Variants in TET1 observed in about 807,000 individuals in gnomAD.
TET1 encodes methylcytosine dioxygenase TET1.
In TET1, 13 loss-of-function variants were observed where a neutral mutation model predicts 148.7. That is an observed-to-expected ratio of 0.09 (90% CI 0.06 to 0.14). TET1 has a LOEUF of 0.14. TET1 is among the 10% of genes least tolerant of loss of function. The probability of loss-of-function intolerance (pLI) is 1.00; values close to 1 mark genes in which losing one functional copy is unlikely to be tolerated. For synonymous variants in TET1, 907 were observed against 937.2 expected (o/e 0.97, Z 0.59); for missense variants, 2,182 against 2,553.8 (o/e 0.85, Z 3.14).
At chr10:68,613,886 C>T (rs1394793968) in intron 3 of TET1, among the ~76,000 whole-genome samples, 1 of 150,390 alleles carries the variant, frequency 6.6e-6, no homozygotes, top group African/African-American at 2.5e-5. Context: ...TGCAGTGAGC[C>T]GAGATCGTGC....
At position 68,682,123 on chromosome 10, in the gene TET1, A is replaced by G. The variant is rs537176841; in HGVS notation, c.4914+635A>G. On this transcript the variant is annotated intron_variant, in intron 9 of 11. Coordinates refer to ENST00000373644, the MANE Select transcript of TET1 (RefSeq NM_030625.3). The stretch of plus-strand genomic sequence containing the variant: ...TTTTTTTTTTTTTTTTTTTTGAGAC[A>G]GAGTCTTGCTCTTGTTGCCCAGGCT... 6.3e-5 allele frequency among the ~76,000 whole-genome samples: 5 copies of G among 79,732 alleles called. No individual in the cohort carries two copies. In the South Asian group the frequency reaches 1.8e-3, roughly 29 times the overall value. The allele number at this position is 79,732 out of a possible 152,430, so 52.3% of individuals were successfully genotyped here.
At chr10:68,653,547 T>G (rs1188381592) in intron 6 of TET1, among the ~76,000 whole-genome samples, 2 of 152,160 alleles carry the variant, frequency 1.3e-5, no homozygotes, top group African/African-American at 2.4e-5. Flanking sequence ...TTTGGAGAAT[T>G]TACATATATT....
chr10:68,622,220 TCCCTCCTTCCTC>T (rs752090083), intron 3 of TET1, among the ~76,000 whole-genome samples: 11,331 of 78,506 alleles, frequency 0.14, 594 homozygotes, highest in Non-Finnish European at 0.17. Flanking sequence ...CTTCCTTCCT[TCCCTCCTTCCTC>T]CCTTCCCTCC....
chr10:68,565,414 A>C (rs1237380957), intron 1 of TET1, among the ~76,000 whole-genome samples: 2 of 150,432 alleles, frequency 1.3e-5, no homozygotes, highest in Non-Finnish European at 3.0e-5. Context: ...CCAGGAGGTC[A>C]AGGCTACAGT....
chr10:68,608,482 G>A (rs1049788909), intron 3 of TET1, among the ~76,000 whole-genome samples: 4 of 149,356 alleles, frequency 2.7e-5, no homozygotes, highest in African/African-American at 4.9e-5. Flanking sequence ...TGATCTACCC[G>A]CCTTGGCCTC....
intron 6 of TET1, among the ~76,000 whole-genome samples, chr10:68,656,199 G>A (rs192319602): frequency 4.5e-4 from 68 of 152,248 alleles, no homozygotes; most frequent in African/African-American, 1.6e-3. Flanking sequence ...TAGAAATAAA[G>A]TGCACAATAA....
intron 3 of TET1, among the ~76,000 whole-genome samples, chr10:68,612,537 A>G (rs1436136625): frequency 5.3e-5 from 8 of 152,168 alleles, no homozygotes; most frequent in Non-Finnish European, 7.4e-5. Context: ...GAAAACTGAA[A>G]AATAAAATAA....
intron 3 of TET1, among the ~76,000 whole-genome samples, chr10:68,609,310 T>G (rs777743517): frequency 6.6e-6 from 1 of 152,108 alleles, no homozygotes; most frequent in Non-Finnish European, 1.5e-5. Flanking sequence ...TACAGGCATG[T>G]GCCACCACGC....
In TET1 at chr10:68,674,411, C is replaced by T. The variant is rs191288562; in HGVS notation, c.4824+1366C>T. The T allele has an allele frequency of 3.2e-3, 979 of 304,110 alleles. 27 individuals carry two copies. In the Admixed American group the frequency reaches 0.036, roughly 11 times the overall value. 18.8% of individuals were successfully genotyped at this position (304,110 alleles called of 1,614,324 possible). On this transcript the variant is annotated intron_variant, in intron 8 of 11. Coordinates refer to ENST00000373644, the MANE Select transcript of TET1 (RefSeq NM_030625.3). ...CATTTTCTAAGAAAGATTTGTATTA[C>T]GTGAAAGCATCTGCCATGTTCAATA...
At chr10:68,676,256 ATATATATATATATTTTTTTT>A (rs1269274107) in intron 8 of TET1, among the ~76,000 whole-genome samples, 158 of 40,246 alleles carry the variant, frequency 3.9e-3, no homozygotes, top group Middle Eastern at 0.038. Flanking sequence ...ATATATATAT[ATATATATATATATTTTTTTT>A]TTTTTTTTTT....
intron 8 of TET1, chr10:68,674,324 G>A (rs138163326): frequency 3.5e-3 from 676 of 194,226 alleles, no homozygotes; most frequent in Non-Finnish European, 5.1e-3. Flanking sequence ...TCTCTGAGCA[G>A]CACTGTAGTG....
chr10:68,633,626 A>G (rs755815082), intron 3 of TET1, among the ~76,000 whole-genome samples: 2 of 152,014 alleles, frequency 1.3e-5, no homozygotes, highest in Non-Finnish European at 2.9e-5. Flanking sequence ...ATAGGGTTTC[A>G]CCATATTGAA....
chr10:68,677,475 C>A (rs1260003917), intron 8 of TET1, among the ~76,000 whole-genome samples: 1 of 152,118 alleles, frequency 6.6e-6, no homozygotes, highest in African/African-American at 2.4e-5. Flanking sequence ...GATTAAATGT[C>A]CAATATTGTC....
At chr10:68,650,869 A>G (rs930745143) in intron 4 of TET1, among the ~76,000 whole-genome samples, 4 of 152,308 alleles carry the variant, frequency 2.6e-5, no homozygotes, top group East Asian at 1.9e-4. Flanking sequence ...GTGCAGAAAT[A>G]CGACGCAAAC....
intron 1 of TET1, among the ~76,000 whole-genome samples, chr10:68,569,579 T>G (rs1327667502): frequency 2.6e-5 from 4 of 152,130 alleles, no homozygotes; most frequent in Non-Finnish European, 5.9e-5. Context: ...AAAGAGATAA[T>G]TTTTAAAGTA....
chr10:68,662,601 C>G (rs1042332853), intron 6 of TET1, among the ~76,000 whole-genome samples: 1 of 151,946 alleles, frequency 6.6e-6, no homozygotes, highest in African/African-American at 2.4e-5. Flanking sequence ...GTATAATAGA[C>G]CATGGCTGGT....
chr10:68,669,474 C>T (rs1221728800), intron 7 of TET1, among the ~76,000 whole-genome samples: 19 of 61,612 alleles, frequency 3.1e-4, no homozygotes, highest in East Asian at 7.4e-4. Context: ...CCATGCCCAG[C>T]TTTTTTTTTT....
intron 1 of TET1, among the ~76,000 whole-genome samples, chr10:68,562,171 C>T (rs1242345947): frequency 1.3e-5 from 2 of 152,100 alleles, no homozygotes; most frequent in African/African-American, 2.4e-5. Context: ...AGCAGCAGCC[C>T]CAGGTCTCCC....
intron 6 of TET1, among the ~76,000 whole-genome samples, chr10:68,659,786 T>C (rs1210688426): frequency 1.3e-5 from 2 of 152,176 alleles, no homozygotes; most frequent in Non-Finnish European, 2.9e-5. Context: ...TACCATAAGG[T>C]ACAGCCCAGT....
Sources: allele counts gnomAD v4.1 joint callset (sites outside exome capture counted in the v4.1 genomes callset), GRCh38; gene constraint gnomAD v4.1.1; transcripts MANE v1.5; gene names NCBI Gene and HGNC (gene_info 2026-07-23, HGNC 2026-07-21).